Variants in TAB1 observed in about 807,000 individuals in gnomAD.
TAB1 encodes the protein TGF-beta activated kinase 1 (MAP3K7) binding protein 1, also known as TGF-beta-activated kinase 1 and MAP3K7-binding protein 1.
In TAB1, 30 loss-of-function variants were observed where a neutral mutation model predicts 54.5. The observed-to-expected ratio is 0.55, with a 90% confidence interval of 0.41 to 0.75. The LOEUF is 0.75. TAB1 is among the 30% of genes least tolerant of loss of function. TAB1 has a pLI of 0.00. For synonymous variants in TAB1, 289 were observed against 286.9 expected (o/e 1.01, Z -0.07); for missense variants, 609 against 683.2 (o/e 0.89, Z 1.21).
At chr22:39,413,088 G>A (rs1569195858) in intron 1 of TAB1, among the ~76,000 whole-genome samples, 1 of 151,662 alleles carries the variant, frequency 6.6e-6, no homozygotes, top group Non-Finnish European at 1.5e-5. Flanking sequence ...CTAGTTTTTT[G>A]TATTTTTAGT....
Position 39,429,459 on chromosome 22 carries a change from C to A in TAB1, c.1308-556C>A, listed in dbSNP as rs536006528. On this transcript the variant is annotated intron_variant, in intron 10 of 10. Coordinates refer to ENST00000216160, the MANE Select transcript of TAB1 (RefSeq NM_006116.3). ...TCTAGCCACTTGTGGCTATTAGACG[C>A]TTGAACTGAGTGTTCCATTTTCTTT... 4.8e-4 allele frequency: 339 copies of A among 701,646 alleles called. 1 individual carries two copies. Among genetic ancestry groups the A allele is most frequent in the Non-Finnish European group, 3.8e-4 (215 of 571,170 alleles). The allele number at this position is 701,646 out of a possible 1,614,324, so 43.5% of individuals were successfully genotyped here.
chr22:39,409,154 C>G (rs1012866666), intron 1 of TAB1, among the ~76,000 whole-genome samples: 2 of 152,184 alleles, frequency 1.3e-5, no homozygotes, highest in African/African-American at 4.8e-5. Flanking sequence ...ATATTGACTT[C>G]TTTGGCCATC....
chr22:39,416,333 AGTT>A (rs973215178), intron 3 of TAB1, among the ~76,000 whole-genome samples: 1 of 152,174 alleles, frequency 6.6e-6, no homozygotes, highest in African/African-American at 2.4e-5. Flanking sequence ...CCCAGAAAGA[AGTT>A]GTAGTAATCA....
At chr22:39,429,306 T>G (rs1927484270) in intron 10 of TAB1, 2 of 985,260 alleles carry the variant, frequency 2.0e-6, no homozygotes, top group South Asian at 9.4e-5. Flanking sequence ...TTGCCCGCCC[T>G]GCTGAGTAGG....
At position 39,430,230 on chromosome 22, in the gene TAB1, G is replaced by A. The variant is rs200727267; in HGVS notation, c.*8G>A. On this transcript the variant is annotated 3_prime_UTR_variant, in exon 11 of 11. Transcript: ENST00000216160. ...GTGGTGACAGCACCGTAGGGCAGCC[G>A]GAGAATGCAGCCCAAGCAGGGCCTG... 4.2e-5 allele frequency: 68 copies of A among 1,610,314 alleles called. No homozygotes were observed. Among genetic ancestry groups the A allele is most frequent in the East Asian group, 1.6e-4 (7 of 44,876 alleles).
At chr22:39,429,327 G>A in intron 10 of TAB1, 1 of 985,412 alleles carries the variant, frequency 1.0e-6, no homozygotes, top group South Asian at 4.7e-5. Context: ...TCCTGGGTTG[G>A]GACGGGTTTA....
At chr22:39,425,838 GC>G (rs1927306881) in intron 8 of TAB1, among the ~76,000 whole-genome samples, 3 of 151,250 alleles carry the variant, frequency 2.0e-5, no homozygotes, top group African/African-American at 7.3e-5. Context: ...GAGCCACCAC[GC>G]CCGGCCAAAT....
chr22:39,429,875 G>A, intron 10 of TAB1, 140 bp from the exon 11 acceptor site: 1 of 1,496,584 alleles, frequency 6.7e-7, no homozygotes. Context: ...ATCTGGCTGG[G>A]CCAGCTCCTA....
chr22:39,408,183 A>G (rs1451471611), intron 1 of TAB1, among the ~76,000 whole-genome samples: 1 of 152,248 alleles, frequency 6.6e-6, no homozygotes, highest in Non-Finnish European at 1.5e-5. Flanking sequence ...TTTCCTAAAA[A>G]AGTACTTAGC....
downstream of TAB1, among the ~76,000 whole-genome samples, chr22:39,434,351 C>G (rs758374996): frequency 6.6e-6 from 1 of 152,256 alleles, no homozygotes; most frequent in African/African-American, 2.4e-5. Flanking sequence ...TCATCAGAGC[C>G]TAGCTCTTGG....
chr22:39,430,609 C>A lies in TAB1; in HGVS notation c.*387C>A. ...TGCAGGCCCAGCAGACCCTGCTGTC[C>A]CAAGCCCACCCCTCCTCCCACCATC... On this transcript the variant is annotated 3_prime_UTR_variant, in exon 11 of 11. Coordinates refer to ENST00000216160, the MANE Select transcript of TAB1 (RefSeq NM_006116.3). 9.0e-7 allele frequency: 1 copy of A among 1,112,956 alleles called. No individual in the cohort carries two copies. 68.9% of individuals were successfully genotyped at this position (1,112,956 alleles called of 1,614,324 possible).
downstream of TAB1, among the ~76,000 whole-genome samples, chr22:39,435,128 C>G (rs919907592): frequency 6.6e-6 from 1 of 152,154 alleles, no homozygotes; most frequent in African/African-American, 2.4e-5. Flanking sequence ...CTACCCCCAC[C>G]CTAGGACCCC....
In TAB1 at chr22:39,430,651, G is replaced by C; in HGVS notation, c.*429G>C. The C allele has an allele frequency of 9.3e-7, 1 of 1,078,958 alleles. No homozygotes were observed. The highest frequency in any genetic ancestry group is 4.4e-5 in the Admixed American group (1 of 22,584). 66.8% of individuals were successfully genotyped at this position (1,078,958 alleles called of 1,614,324 possible). On this transcript the variant is annotated 3_prime_UTR_variant, in exon 11 of 11. Transcript: ENST00000216160. The stretch of plus-strand genomic sequence containing the variant: ...CCCACCATCACCTCCCTCACCTCGG[G>C]ACAGTAGCCCTCCACTTCTCCAGCC...
At chr22:39,432,625 G>C, downstream of TAB1, 1 of 485,982 alleles carries the variant, frequency 2.1e-6, no homozygotes, top group Non-Finnish European at 2.7e-6. Context: ...CTGGAGCTTT[G>C]GTGTCAGCCC....
chr22:39,417,872 G>T (rs372051369), intron 5 of TAB1, 23 bp downstream of exon 5: 7 of 1,587,534 alleles, frequency 4.4e-6, no homozygotes, highest in African/African-American at 4.1e-5. Flanking sequence ...CTGTCCCAGG[G>T]CAGGGAGGAC....
Position 39,415,496 on chromosome 22 carries a change from C to A in TAB1, c.171-4C>A. On this transcript the variant is annotated splice_polypyrimidine_tract_variant and splice_region_variant and intron_variant, in intron 2 of 10. Coordinates refer to ENST00000216160, the MANE Select transcript of TAB1 (RefSeq NM_006116.3). The surrounding 1 kb of genome is among the most constrained non-coding windows in gnomAD (Gnocchi z 4.9). The stretch of plus-strand genomic sequence containing the variant: ...GGCCTCCCTCTGCCCTCTCCCTCTT[C>A]CAGGAGTGAGAACAACTGCTTCCTG... 2 of 1,613,294 alleles carry A rather than the reference C, an allele frequency of 1.2e-6. No individual in the cohort carries two copies. The highest frequency in any genetic ancestry group is 1.7e-6 in the Non-Finnish European group (2 of 1,179,278).
chr22:39,429,817 C>T (rs1224651171), intron 10 of TAB1, 198 bp from the exon 11 acceptor site: 1 of 985,292 alleles, frequency 1.0e-6, no homozygotes, highest in Non-Finnish European at 1.2e-6. Flanking sequence ...TAAGTAGCCA[C>T]ATGCATCTGG....
intron 1 of TAB1, among the ~76,000 whole-genome samples, chr22:39,404,959 G>A (rs928843087): frequency 6.6e-6 from 1 of 152,196 alleles, no homozygotes; most frequent in Non-Finnish European, 1.5e-5. Flanking sequence ...AAGCTTTTTG[G>A]AGAGAAAGGT....
chr22:39,415,719 G>A lies in TAB1; in HGVS notation c.324+66G>A. On this transcript the variant is annotated intron_variant, in intron 3 of 10. Coordinates refer to ENST00000216160, the MANE Select transcript of TAB1 (RefSeq NM_006116.3). This position sits in a 1 kb window ranked among gnomAD's most constrained non-coding sequence, Gnocchi z 4.9. ...TCCCCCACCCCAAGGCTTGGGCCCT[G>A]CACCTCTAGCATGTTGCCAGGGTTG... 6.5e-7 allele frequency: 1 copy of A among 1,549,250 alleles called. No individual in the cohort carries two copies.
Sources: gnomAD v4.1 joint callset for allele counts (sites outside exome capture counted in the v4.1 genomes callset) on GRCh38, gnomAD v4.1.1 for gene constraint, Gnocchi (gnomAD v3.1) non-coding constraint, MANE v1.5 for transcripts, NCBI Gene and HGNC (gene_info 2026-07-23, HGNC 2026-07-21) for gene names.